The following SORCS2 variants were observed in gnomAD, a reference collection of about 807,000 sequenced individuals.
SORCS2 encodes sortilin related VPS10 domain containing receptor 2.
SORCS2 carries 100 observed loss-of-function variants against 141.6 expected under a neutral mutation model. The ratio of observed to expected loss-of-function variants is 0.71; its 90% CI spans 0.60 to 0.83. The LOEUF is 0.83. Among genes scored for constraint, SORCS2 ranks in the 40% least tolerant of loss-of-function variants. The pLI is 0.00. For synonymous variants in SORCS2, 789 were observed against 676.9 expected, an observed-to-expected ratio of 1.17 and a Z score of -2.57; for missense variants, 1,646 against 1,560.2, an observed-to-expected ratio of 1.05 and a Z score of -0.93.
At chr4:7,255,188 AG>A (rs536418426) in intron 1 of SORCS2, among the ~76,000 whole-genome samples, 1 of 151,896 alleles carries the variant, frequency 6.6e-6, no homozygotes, top group Non-Finnish European at 1.5e-5. Flanking sequence ...GCCCTAGCGG[AG>A]GTGACAGTCC....
intron 11 of SORCS2, among the ~76,000 whole-genome samples, chr4:7,691,621 C>T (rs573791072): frequency 6.3e-4 from 96 of 152,234 alleles, no homozygotes; most frequent in African/African-American, 1.9e-3. Flanking sequence ...CCACAATGAT[C>T]AACGAAAATG....
chr4:7,425,576 C>T (rs1214181466), intron 2 of SORCS2, among the ~76,000 whole-genome samples: 1 of 152,210 alleles, frequency 6.6e-6, no homozygotes, highest in Non-Finnish European at 1.5e-5. Flanking sequence ...TCCTTGGTCT[C>T]ACAGAGAAAC....
chr4:7,328,208 T>C (rs1560195860), intron 1 of SORCS2, among the ~76,000 whole-genome samples: 1 of 145,356 alleles, frequency 6.9e-6, no homozygotes, highest in Admixed American at 6.9e-5. Flanking sequence ...TTTTTTTTTT[T>C]CATTTTTAGT....
At chr4:7,704,820 C>G (rs1328117066) in intron 14 of SORCS2, among the ~76,000 whole-genome samples, 1 of 152,202 alleles carries the variant, frequency 6.6e-6, no homozygotes, top group Non-Finnish European at 1.5e-5. Context: ...GGGAGACAGC[C>G]GTGCCCAGAA....
At chr4:7,695,340 A>G (rs71612277) in intron 11 of SORCS2, among the ~76,000 whole-genome samples, 1 of 46,546 alleles carries the variant, frequency 2.1e-5, no homozygotes, top group Non-Finnish European at 3.9e-5. Flanking sequence ...GGATGGATGG[A>G]TGGATGGATT....
At chr4:7,274,345 A>G (rs1272284779) in intron 1 of SORCS2, among the ~76,000 whole-genome samples, 2 of 152,226 alleles carry the variant, frequency 1.3e-5, no homozygotes. Flanking sequence ...CTGTGCTGCT[A>G]TAAGGAAATG....
intron 12 of SORCS2, among the ~76,000 whole-genome samples, chr4:7,700,275 C>G (rs545594903): frequency 6.6e-6 from 1 of 152,242 alleles, no homozygotes; most frequent in Non-Finnish European, 1.5e-5. Context: ...TGGCTGAGCC[C>G]CTCGTCCTGT....
At chr4:7,541,367 C>T (rs1040719157) in intron 3 of SORCS2, among the ~76,000 whole-genome samples, 1 of 152,246 alleles carries the variant, frequency 6.6e-6, no homozygotes, top group Non-Finnish European at 1.5e-5. Flanking sequence ...GCTAACTTTC[C>T]ATTCTGCTGG....
chr4:7,249,328 C>T (rs185176967), intron 1 of SORCS2, among the ~76,000 whole-genome samples: 94 of 152,260 alleles, frequency 6.2e-4, no homozygotes, highest in African/African-American at 2.1e-3. Context: ...GGCTTCCTCA[C>T]AGCATGGTGG....
At chr4:7,349,672 C>T (rs573046941) in intron 1 of SORCS2, among the ~76,000 whole-genome samples, 3 of 152,326 alleles carry the variant, frequency 2.0e-5, no homozygotes, top group African/African-American at 7.2e-5. Context: ...ACGTGAGGCT[C>T]ACCCAGTGGG....
intron 1 of SORCS2, among the ~76,000 whole-genome samples, chr4:7,254,703 C>G (rs751478137): frequency 1.3e-5 from 2 of 152,142 alleles, no homozygotes; most frequent in East Asian, 3.9e-4. Flanking sequence ...ATTCCATGGA[C>G]GTGACTTTGG....
chr4:7,647,674 C>CT (rs1721167622), intron 4 of SORCS2, among the ~76,000 whole-genome samples: 2 of 152,188 alleles, frequency 1.3e-5, no homozygotes, highest in South Asian at 4.1e-4. Context: ...AGATCCAGTT[C>CT]TGATATGGAC....
chr4:7,705,620 G>A (rs2109020331), intron 14 of SORCS2, among the ~76,000 whole-genome samples: 1 of 152,368 alleles, frequency 6.6e-6, no homozygotes, highest in Non-Finnish European at 1.5e-5. Context: ...GGCTGGAGTG[G>A]CCATGTGCTC....
At chr4:7,326,972 C>T (rs1719305296) in intron 1 of SORCS2, among the ~76,000 whole-genome samples, 9 of 152,224 alleles carry the variant, frequency 5.9e-5, no homozygotes, top group Admixed American at 5.9e-4. Flanking sequence ...TCACCCGTGG[C>T]TGAGGGCCTC....
At chr4:7,372,519 G>C (rs1384605578) in intron 1 of SORCS2, among the ~76,000 whole-genome samples, 1 of 152,260 alleles carries the variant, frequency 6.6e-6, no homozygotes, top group African/African-American at 2.4e-5. Context: ...TGTTGGCCAG[G>C]CTGATCTTGA....
intron 1 of SORCS2, among the ~76,000 whole-genome samples, chr4:7,381,098 A>AT (rs1722967850): frequency 6.6e-6 from 1 of 150,752 alleles, no homozygotes; most frequent in Admixed American, 6.6e-5. Flanking sequence ...AAAAAAAAAA[A>AT]GGAGTGGGTT....
At chr4:7,579,534 C>G (rs1299563815) in intron 3 of SORCS2, among the ~76,000 whole-genome samples, 6 of 152,168 alleles carry the variant, frequency 3.9e-5, no homozygotes, top group African/African-American at 1.4e-4. Context: ...CCTTGGTCCT[C>G]CGACCTCCTT....
chr4:7,341,030 A>C (rs1206194314), intron 1 of SORCS2, among the ~76,000 whole-genome samples: 1 of 152,220 alleles, frequency 6.6e-6, no homozygotes, highest in African/African-American at 2.4e-5. Context: ...CAGCAAAGGA[A>C]GCGTGAGGAG....
Position 7,340,788 on chromosome 4 carries a change from CT to C in SORCS2, c.481-55499del, listed in dbSNP as rs1289587386. ...CCCAGGGGGCATTTAGTGACGCCCC[CT>C]ATTCCCATCCTGCGCTTGGGACCCA... On this transcript the variant is annotated intron_variant, in intron 1 of 26. Transcript: ENST00000507866. 3.9e-5 allele frequency among the ~76,000 whole-genome samples: 6 copies of C among 152,352 alleles called. No homozygotes were observed. In the South Asian group the frequency reaches 8.3e-4, roughly 21 times the overall value.
Sources: allele counts gnomAD v4.1 joint callset (sites outside exome capture counted in the v4.1 genomes callset), GRCh38; gene constraint gnomAD v4.1.1; transcripts MANE v1.5; gene names NCBI Gene and HGNC (gene_info 2026-07-23, HGNC 2026-07-21).